GPC5: variants seen among roughly 807,000 people sequenced by gnomAD.
GPC5 encodes the protein glypican 5.
A neutral mutation model predicts 53.9 loss-of-function variants in GPC5; 47 were observed. The ratio of observed to expected loss-of-function variants is 0.87; its 90% CI spans 0.69 to 1.11. GPC5 has a LOEUF of 1.11. GPC5 is among the 50% of genes most tolerant of loss of function. GPC5 has a pLI of 0.00. For synonymous variants in GPC5, 286 were observed against 263.3 expected (o/e 1.09, Z -0.84); for missense variants, 748 against 713.1 (o/e 1.05, Z -0.56).
At chr13:91,967,955 A>C (rs1241876709) in intron 6 of GPC5, among the ~76,000 whole-genome samples, 1 of 151,974 alleles carries the variant, frequency 6.6e-6, no homozygotes, top group Non-Finnish European at 1.5e-5. Context: ...TATTAGTTAT[A>C]ATTGTTCATT....
At chr13:92,197,119 C>A (rs1338549385) in intron 7 of GPC5, among the ~76,000 whole-genome samples, 1 of 152,130 alleles carries the variant, frequency 6.6e-6, no homozygotes, top group Non-Finnish European at 1.5e-5. Flanking sequence ...CTCATTCAAG[C>A]ACCTCCCTTT....
Position 92,704,468 on chromosome 13 carries a change from C to A in GPC5, c.1562-161814C>A, listed in dbSNP as rs142810462. On this transcript the variant is annotated intron_variant, in intron 7 of 7. Transcript: ENST00000377067. ...ATTTATCTCTAGGCTTTTAGCCAAA[C>A]CCTTTTGAAGATGATTTTCCCAATT... Among the ~76,000 whole-genome samples the A allele has an allele frequency of 8.0e-4, 122 of 152,000 alleles. 1 individual carries two copies. The highest frequency in any genetic ancestry group is 2.8e-3 in the African/African-American group (116 of 41,522).
At chr13:92,215,894 G>A (rs60012009) in intron 7 of GPC5, among the ~76,000 whole-genome samples, 6,452 of 152,206 alleles carry the variant, frequency 0.042, 457 homozygotes, top group African/African-American at 0.15. Flanking sequence ...CTCCGTTTGA[G>A]GGAATTTGGT....
intron 2 of GPC5, among the ~76,000 whole-genome samples, chr13:91,477,166 A>G (rs909646180): frequency 5.9e-5 from 9 of 152,172 alleles, no homozygotes; most frequent in Non-Finnish European, 1.0e-4. Flanking sequence ...GTTTATATAT[A>G]TATATCTTTT....
chr13:92,374,936 G>C (rs1247367236), intron 7 of GPC5, among the ~76,000 whole-genome samples: 2 of 151,432 alleles, frequency 1.3e-5, no homozygotes, highest in Non-Finnish European at 2.9e-5. Flanking sequence ...AATCTGTTTA[G>C]GAAGATTCTA....
rs563758208 is a variant in GPC5, at chr13:91,511,417, T to C, written c.325+62495T>C. 2.6e-5 allele frequency among the ~76,000 whole-genome samples: 4 copies of C among 152,326 alleles called. No individual in the cohort carries two copies. In the South Asian group the frequency reaches 8.3e-4, roughly 32 times the overall value. ...GCTCTCTGGGTTGATACATTTCTTT[T>C]GGTTTGGAAAATTCTCATTCTTTTT... is the stretch of plus-strand genomic sequence containing the variant. On this transcript the variant is annotated intron_variant, in intron 2 of 7. Coordinates refer to ENST00000377067, the MANE Select transcript of GPC5 (RefSeq NM_004466.6).
chr13:91,669,193 C>CG (rs1256278027), intron 2 of GPC5, among the ~76,000 whole-genome samples: 12 of 152,052 alleles, frequency 7.9e-5, no homozygotes, highest in Admixed American at 7.9e-4. Flanking sequence ...ACTGTGCCCC[C>CG]CCGACATTAA....
At chr13:92,040,799 A>G (rs2040935828) in intron 6 of GPC5, among the ~76,000 whole-genome samples, 1 of 152,198 alleles carries the variant, frequency 6.6e-6, no homozygotes, top group Non-Finnish European at 1.5e-5. Context: ...GTCTTTATTT[A>G]GAAGTTTGGT....
At chr13:92,765,332 GA>G (rs747483796) in intron 7 of GPC5, among the ~76,000 whole-genome samples, 4 of 152,162 alleles carry the variant, frequency 2.6e-5, no homozygotes, top group African/African-American at 4.8e-5. Flanking sequence ...CCTATAAAAT[GA>G]TAGGGTTTTT....
At chr13:91,521,605 A>G (rs1217920928) in intron 2 of GPC5, among the ~76,000 whole-genome samples, 1 of 152,208 alleles carries the variant, frequency 6.6e-6, no homozygotes, top group African/African-American at 2.4e-5. Context: ...AAACAAACTC[A>G]AAGTGTTTTA....
rs138015246 is a variant in GPC5 at position 92,703,052 on chromosome 13, A to ATATTTATTTATTTATT, written c.1562-163208_1562-163193dup. On this transcript the variant is annotated intron_variant, in intron 7 of 7. Coordinates refer to ENST00000377067, the MANE Select transcript of GPC5 (RefSeq NM_004466.6). ...TCATCCCTATACCTGGCATATATAT[A>ATATTTATTTATTTATT]TATTTATTTATTTATTTATTTATTT... 3.6e-3 allele frequency among the ~76,000 whole-genome samples: 518 copies of ATATTTATTTATTTATT among 145,800 alleles called. 6 individuals are homozygous for ATATTTATTTATTTATT. Among genetic ancestry groups the ATATTTATTTATTTATT allele is most frequent in the African/African-American group, 0.012 (489 of 39,628 alleles).
At chr13:92,073,860 T>A (rs919034370) in intron 6 of GPC5, among the ~76,000 whole-genome samples, 1 of 152,156 alleles carries the variant, frequency 6.6e-6, no homozygotes, top group Non-Finnish European at 1.5e-5. Context: ...CAGTGGGACG[T>A]AATTGAATCA....
At chr13:91,943,048 G>T (rs2139047884) in intron 6 of GPC5, among the ~76,000 whole-genome samples, 1 of 152,100 alleles carries the variant, frequency 6.6e-6, no homozygotes, top group East Asian at 1.9e-4. Context: ...CTGTATGCAG[G>T]AACATCTGTT....
chr13:92,850,671 G>C (rs549833381), intron 7 of GPC5, among the ~76,000 whole-genome samples: 3 of 152,166 alleles, frequency 2.0e-5, no homozygotes, highest in African/African-American at 7.2e-5. Flanking sequence ...AAGAAGAAAG[G>C]TCTATAAAGT....
intron 6 of GPC5, among the ~76,000 whole-genome samples, chr13:92,050,343 A>T (rs1594743803): frequency 1.3e-5 from 2 of 152,284 alleles, no homozygotes; most frequent in Admixed American, 1.3e-4. Context: ...AAAAGCAATA[A>T]GGAATAGCAT....
At chr13:92,269,860 AGG>A (rs1233290763) in intron 7 of GPC5, among the ~76,000 whole-genome samples, 1 of 152,220 alleles carries the variant, frequency 6.6e-6, no homozygotes, top group Non-Finnish European at 1.5e-5. Flanking sequence ...GCTCATGGCT[AGG>A]ATGGGTGATT....
chr13:92,072,210 T>A (rs1455225854), intron 6 of GPC5, among the ~76,000 whole-genome samples: 1 of 148,928 alleles, frequency 6.7e-6, no homozygotes, highest in Admixed American at 6.7e-5. Flanking sequence ...AATGTATATA[T>A]AAATATATTT....
chr13:91,673,521 G>A (rs980900943), intron 2 of GPC5, among the ~76,000 whole-genome samples: 2 of 151,964 alleles, frequency 1.3e-5, no homozygotes, highest in East Asian at 1.9e-4. Context: ...ACAAGAGCTC[G>A]CCCATCCTTA....
chr13:92,274,946 G>A (rs2042865081), intron 7 of GPC5, among the ~76,000 whole-genome samples: 1 of 151,790 alleles, frequency 6.6e-6, no homozygotes, highest in Non-Finnish European at 1.5e-5. Context: ...TGTAGAATAA[G>A]GTACTGAAAA....
Sources: allele counts gnomAD v4.1 joint callset (sites outside exome capture counted in the v4.1 genomes callset), GRCh38; gene constraint gnomAD v4.1.1; transcripts MANE v1.5; gene names NCBI Gene and HGNC (gene_info 2026-07-23, HGNC 2026-07-21).